The following CNTN4 variants were observed in gnomAD, a reference collection of about 807,000 sequenced individuals.
CNTN4 encodes contactin-4.
Under a neutral mutation model 122.5 loss-of-function variants are expected in CNTN4, and 77 were observed. That is an observed-to-expected ratio of 0.63 (90% CI 0.52 to 0.76). CNTN4 has a LOEUF of 0.76. Ranked by LOEUF, CNTN4 falls within the 30% of genes least tolerant of loss-of-function variation. The probability of loss-of-function intolerance (pLI) is 0.00; values close to 1 mark genes in which losing one functional copy is unlikely to be tolerated. For missense variants in CNTN4, 1,256 were observed against 1,259.1 expected, an observed-to-expected ratio of 1.00 and a Z score of 0.04; for synonymous variants, 512 against 447.0, an observed-to-expected ratio of 1.15 and a Z score of -1.83.
rs570437824 is a variant in CNTN4, at chr3:2,335,643, G to T, written c.-144-3535G>T. ...TATGAAATTGGGTATCTACCTACTT[G>T]AATCATCTCTGTTCATGCTGGCTAA... On this transcript the variant is annotated intron_variant, in intron 2 of 24. Coordinates refer to ENST00000418658, the MANE Select transcript of CNTN4 (RefSeq NM_175607.3). Among the ~76,000 whole-genome samples the T allele has an allele frequency of 2.2e-4, 32 of 147,466 alleles. 1 individual carries two copies. The South Asian group carries it at 6.6e-3, about 31-fold the overall frequency.
At chr3:2,876,921 G>T (rs535414739) in intron 8 of CNTN4, among the ~76,000 whole-genome samples, 5 of 152,274 alleles carry the variant, frequency 3.3e-5, no homozygotes, top group Admixed American at 2.0e-4. Flanking sequence ...TAGGAAAGTT[G>T]TTCTTAAAGT....
At chr3:3,016,307 A>G (rs1697752561) in intron 14 of CNTN4, among the ~76,000 whole-genome samples, 2 of 152,190 alleles carry the variant, frequency 1.3e-5, no homozygotes, top group Admixed American at 1.3e-4. Context: ...CAAATTTAAC[A>G]TATACCCCCC....
At chr3:2,106,014 G>T (rs7619438) in intron 2 of CNTN4, among the ~76,000 whole-genome samples, 53,272 of 152,108 alleles carry the variant, frequency 0.35, 9,327 homozygotes, top group East Asian at 0.44. Flanking sequence ...AACCAGGCGG[G>T]GCAGTTATTA....
rs181330729 is a variant in CNTN4 at position 2,456,029 on chromosome 3, G to A, written c.-88-115387G>A. Among the ~76,000 whole-genome samples, 441 of 152,166 alleles carry A rather than the reference G, an allele frequency of 2.9e-3. 1 individual carries two copies. Among genetic ancestry groups the A allele is most frequent in the African/African-American group, 0.01 (426 of 41,520 alleles). On this transcript the variant is annotated intron_variant, in intron 3 of 24. Transcript: ENST00000418658. ...AGTAGATTATTTAATCCATACTGTA[G>A]ACAGGTCACATAGGCATTTATAATC...
At chr3:3,019,785 TATATATATATATACACATGC>T (rs1410897764) in intron 14 of CNTN4, among the ~76,000 whole-genome samples, 1 of 102,502 alleles carries the variant, frequency 9.8e-6, no homozygotes, top group African/African-American at 4.1e-5. Context: ...TATATATATA[TATATATATATATACACATGC>T]ATATATATAT....
At chr3:2,376,836 G>T (rs1204336559) in intron 3 of CNTN4, among the ~76,000 whole-genome samples, 2 of 152,110 alleles carry the variant, frequency 1.3e-5, no homozygotes, top group African/African-American at 2.4e-5. Context: ...CAGTGTTAAG[G>T]CACCAGCTGA....
chr3:2,675,135 T>G (rs1463850422), intron 4 of CNTN4, among the ~76,000 whole-genome samples: 1 of 151,836 alleles, frequency 6.6e-6, no homozygotes, highest in Admixed American at 6.6e-5. Flanking sequence ...TATATGTATT[T>G]TTTTTTTTCA....
At chr3:2,612,027 T>G (rs2149832656) in intron 4 of CNTN4, among the ~76,000 whole-genome samples, 1 of 152,148 alleles carries the variant, frequency 6.6e-6, no homozygotes, top group East Asian at 1.9e-4. Context: ...GGTAACATTT[T>G]AATGGGTAAA....
intron 12 of CNTN4, among the ~76,000 whole-genome samples, chr3:2,909,329 A>T (rs2094273764): frequency 6.6e-6 from 1 of 152,106 alleles, no homozygotes; most frequent in Non-Finnish European, 1.5e-5. Flanking sequence ...TAGTAGGAGG[A>T]TGTCATTACT....
intron 9 of CNTN4, 132 bp downstream of exon 9, chr3:2,883,379 G>A: frequency 2.8e-6 from 2 of 703,816 alleles, no homozygotes; most frequent in South Asian, 1.5e-5. Flanking sequence ...TTGTAATTCT[G>A]TGTATGCATC....
intron 3 of CNTN4, among the ~76,000 whole-genome samples, chr3:2,568,233 A>G (rs2079261219): frequency 7.0e-6 from 1 of 143,772 alleles, no homozygotes. Flanking sequence ...TGTTTTCAGC[A>G]CTTTGTACTG....
At position 2,888,061 on chromosome 3, in the gene CNTN4, C is replaced by A. The variant is rs147775015; in HGVS notation, c.940+837C>A. 5.4e-3 allele frequency among the ~76,000 whole-genome samples: 827 copies of A among 152,292 alleles called. 9 individuals carry two copies. Among genetic ancestry groups the A allele is most frequent in the African/African-American group, 0.018 (760 of 41,568 alleles). On this transcript the variant is annotated intron_variant, in intron 10 of 24. Coordinates refer to ENST00000418658, the MANE Select transcript of CNTN4 (RefSeq NM_175607.3). ...AAATGATGAGAGTAGTTCTGTAGGG[C>A]AAGTTGTAGCAAAAGCTTTAAATGT...
At chr3:2,232,155 A>G (rs2039511660) in intron 2 of CNTN4, among the ~76,000 whole-genome samples, 1 of 152,056 alleles carries the variant, frequency 6.6e-6, no homozygotes, top group Admixed American at 6.6e-5. Context: ...GTCATCCAAT[A>G]ATAATAATAA....
intron 7 of CNTN4, among the ~76,000 whole-genome samples, chr3:2,860,889 C>G (rs2150770199): frequency 6.6e-6 from 1 of 152,232 alleles, no homozygotes; most frequent in East Asian, 1.9e-4. Flanking sequence ...GTTTATTGTG[C>G]ACAATCATCA....
intron 2 of CNTN4, among the ~76,000 whole-genome samples, chr3:2,127,756 A>G (rs1010995767): frequency 5.9e-5 from 9 of 152,192 alleles, no homozygotes; most frequent in African/African-American, 1.7e-4. Context: ...AACTAAATGG[A>G]GCCACATTCA....
chr3:2,658,505 G>A (rs1202657812), intron 4 of CNTN4, among the ~76,000 whole-genome samples: 5 of 152,086 alleles, frequency 3.3e-5, no homozygotes, highest in Non-Finnish European at 7.4e-5. Context: ...GAGGTAATAC[G>A]ATTTACTGAA....
At chr3:2,274,563 A>G (rs1229180861) in intron 2 of CNTN4, among the ~76,000 whole-genome samples, 1 of 151,964 alleles carries the variant, frequency 6.6e-6, no homozygotes, top group African/African-American at 2.4e-5. Flanking sequence ...TCCCTCATAG[A>G]CAAATGCTAA....
intron 4 of CNTN4, among the ~76,000 whole-genome samples, chr3:2,695,582 T>C (rs1576480218): frequency 6.6e-6 from 1 of 152,326 alleles, no homozygotes; most frequent in East Asian, 1.9e-4. Flanking sequence ...GGTTTTGTGA[T>C]AGACACCAGC....
chr3:2,691,288 C>T (rs1177492628), intron 4 of CNTN4, among the ~76,000 whole-genome samples: 3 of 152,194 alleles, frequency 2.0e-5, no homozygotes, highest in South Asian at 4.1e-4. Context: ...ATGCCCTCAT[C>T]GTTTGTTGAA....
Sources: allele counts gnomAD v4.1 joint callset (sites outside exome capture counted in the v4.1 genomes callset), GRCh38; gene constraint gnomAD v4.1.1; transcripts MANE v1.5; gene names NCBI Gene and HGNC (gene_info 2026-07-23, HGNC 2026-07-21).